LPCAT2: variants seen among roughly 807,000 people sequenced by gnomAD.
LPCAT2 encodes 1-AGP acyltransferase 11.
Under a neutral mutation model 64.7 loss-of-function variants are expected in LPCAT2, and 58 were observed. The observed-to-expected ratio is 0.90, with a 90% CI of 0.73 to 1.12. The LOEUF is 1.12. Ranked by LOEUF, LPCAT2 falls within the 50% of genes most tolerant of loss-of-function variation. The pLI is 0.00. For synonymous variants in LPCAT2, 252 were observed against 245.3 expected (o/e 1.03, Z -0.26); for missense variants, 579 against 669.8 (o/e 0.86, Z 1.50).
Position 55,579,259 on chromosome 16 carries a change from T to A in LPCAT2, c.1450+15T>A, listed in dbSNP as rs1178969183. Reference sequence around the variant, plus strand: ...AATTTCCTATGGTGAGTAGGCAATCTGGCCTCCTGACTTAGTTTACAAGGA... The same window carrying A: ...AATTTCCTATGGTGAGTAGGCAATCAGGCCTCCTGACTTAGTTTACAAGGA... On this transcript the variant is annotated intron_variant, in intron 13 of 13. Coordinates refer to ENST00000262134, the MANE Select transcript of LPCAT2 (RefSeq NM_017839.5). The A allele has an allele frequency of 6.2e-7, 1 of 1,609,846 alleles. No individual in the cohort carries two copies. Among genetic ancestry groups the A allele is most frequent in the Admixed American group, 1.7e-5 (1 of 59,314 alleles).
chr16:55,509,761 C>T (rs1962900751), intron 1 of LPCAT2, among the ~76,000 whole-genome samples: 1 of 151,936 alleles, frequency 6.6e-6, no homozygotes, highest in Admixed American at 6.6e-5. Flanking sequence ...GAATTGAGGA[C>T]ATTTAGAGGA....
At position 55,583,348 on chromosome 16, in the gene LPCAT2, T is replaced by G. The variant is rs1963908929; in HGVS notation, c.*250T>G. The G allele has an allele frequency of 3.0e-6, 1 of 337,292 alleles. No homozygotes were observed. The highest frequency in any genetic ancestry group is 5.5e-6 in the Non-Finnish European group (1 of 183,044). The allele number at this position is 337,292 out of a possible 1,614,324, so 20.9% of individuals were successfully genotyped here. A position where few individuals can be genotyped will look rare whatever the true frequency, so the allele number is the denominator to read the frequency against. On this transcript the variant is annotated 3_prime_UTR_variant, in exon 14 of 14. Transcript: ENST00000262134. ...TCATTTACTGGTGATACATATGTTT[T>G]TATGGATTTTCCAGTTTAATTTGCA...
At chr16:55,550,668 C>T (rs1011448876) in intron 10 of LPCAT2, among the ~76,000 whole-genome samples, 15 of 152,280 alleles carry the variant, frequency 9.9e-5, no homozygotes, top group Admixed American at 2.6e-4. Flanking sequence ...ATAATCCCAA[C>T]ACCTTGGGAG....
intron 11 of LPCAT2, chr16:55,566,918 T>C (rs766985836): frequency 4.3e-6 from 7 of 1,613,588 alleles, no homozygotes; most frequent in Non-Finnish European, 5.9e-6. Flanking sequence ...CTGCAGCAGC[T>C]CAGTATACTC....
intron 11 of LPCAT2, among the ~76,000 whole-genome samples, chr16:55,555,691 T>A (rs1437388028): frequency 6.6e-6 from 1 of 152,248 alleles, no homozygotes; most frequent in Non-Finnish European, 1.5e-5. Flanking sequence ...CCTGGACTTC[T>A]CTTCTGGGCT....
chr16:55,567,310 T>G, intron 11 of LPCAT2: 4 of 1,613,660 alleles, frequency 2.5e-6, no homozygotes, highest in Non-Finnish European at 3.4e-6. Flanking sequence ...GGCTTCCAGC[T>G]AAATGAACAA....
intron 2 of LPCAT2, among the ~76,000 whole-genome samples, chr16:55,526,689 G>T (rs1020920978): frequency 5.9e-5 from 9 of 151,954 alleles, no homozygotes; most frequent in Admixed American, 5.2e-4. Flanking sequence ...TTCAAGGAAC[G>T]TTTTTATGAC....
chr16:55,533,406 G>GTT (rs11335464), intron 6 of LPCAT2, among the ~76,000 whole-genome samples: 351 of 96,364 alleles, frequency 3.6e-3, no homozygotes, highest in African/African-American at 4.5e-3. Flanking sequence ...TGTTTTTCGG[G>GTT]TTTTTTTTTT....
At chr16:55,532,075 AT>A in intron 5 of LPCAT2, 101 bp downstream of exon 5, 2 of 781,708 alleles carry the variant, frequency 2.6e-6, no homozygotes, top group Non-Finnish European at 4.4e-6. Flanking sequence ...TGCTCTGAGC[AT>A]TTTTTTCTTT....
At chr16:55,529,999 T>C (rs1464263022) in intron 4 of LPCAT2, 52 bp downstream of exon 4, 1 of 1,333,414 alleles carries the variant, frequency 7.5e-7, no homozygotes, top group South Asian at 1.3e-5. Flanking sequence ...ATTAATTGTA[T>C]GTATGTAGAC....
intron 11 of LPCAT2, chr16:55,567,037 A>C (rs1213873040): frequency 2.0e-5 from 33 of 1,613,886 alleles, no homozygotes; most frequent in Non-Finnish European, 2.8e-5. Flanking sequence ...CCAGACATGG[A>C]GGTGGGTGCC....
chr16:55,518,587 G>A (rs528592618), intron 1 of LPCAT2, among the ~76,000 whole-genome samples: 1 of 152,272 alleles, frequency 6.6e-6, no homozygotes, highest in South Asian at 2.1e-4. Flanking sequence ...CAGACATATA[G>A]ATCAATGAAA....
At position 55,553,504 on chromosome 16, in the gene LPCAT2, A is replaced by T. The variant is rs137943787; in HGVS notation, c.1215+2402A>T. 8.9e-3 allele frequency among the ~76,000 whole-genome samples: 1,349 copies of T among 152,314 alleles called. 16 individuals carry two copies. Among genetic ancestry groups the T allele is most frequent in the African/African-American group, 0.03 (1,247 of 41,556 alleles). ...TCAAGTTTTATCATGAGATTGCAGCAATTCAGTCACATCTTCAGCCTCCAT... is the reference window on the plus strand; with the variant it reads ...TCAAGTTTTATCATGAGATTGCAGCTATTCAGTCACATCTTCAGCCTCCAT... On this transcript the variant is annotated intron_variant, in intron 11 of 13. Coordinates refer to ENST00000262134, the MANE Select transcript of LPCAT2 (RefSeq NM_017839.5).
chr16:55,533,281 T>C (rs1224197206), intron 6 of LPCAT2, among the ~76,000 whole-genome samples: 2 of 152,060 alleles, frequency 1.3e-5, no homozygotes, highest in Non-Finnish European at 1.5e-5. Flanking sequence ...GCAGGATAAA[T>C]ATTAAAGAGG....
At position 55,509,109 on chromosome 16, in the gene LPCAT2, T is replaced by TA; in HGVS notation, c.-72dup. ...GCGTCGCCCTAGGCTGGGACTCTAG[T>TA]AGGTCTTCGGCTCAGTTTTGGCTGC... is the stretch of plus-strand genomic sequence containing the variant. On this transcript the variant is annotated 5_prime_UTR_variant, in exon 1 of 14. Transcript: ENST00000262134. 8.1e-7 allele frequency: 1 copy of TA among 1,231,204 alleles called. No individual in the cohort carries two copies. The highest frequency in any genetic ancestry group is 1.0e-6 in the Non-Finnish European group (1 of 966,222). The allele number at this position is 1,231,204 out of a possible 1,614,324, so 76.3% of individuals were successfully genotyped here. A position where few individuals can be genotyped will look rare whatever the true frequency, so the allele number is the denominator to read the frequency against.
chr16:55,541,593 C>T (rs139524810), intron 8 of LPCAT2: 47 of 186,156 alleles, frequency 2.5e-4, no homozygotes, highest in African/African-American at 1.1e-3. Flanking sequence ...TGGTAAAATT[C>T]TGGAATTTGT....
At chr16:55,562,234 T>G (rs1314909756) in intron 11 of LPCAT2, among the ~76,000 whole-genome samples, 1 of 151,974 alleles carries the variant, frequency 6.6e-6, no homozygotes, top group African/African-American at 2.4e-5. Context: ...ATACCTCATA[T>G]CCTTTAGCTC....
chr16:55,547,298 A>G (rs1296286548), intron 9 of LPCAT2, among the ~76,000 whole-genome samples: 3 of 152,228 alleles, frequency 2.0e-5, no homozygotes, highest in Non-Finnish European at 4.4e-5. Context: ...AAAAGTAAGA[A>G]AAACCTTGAT....
At chr16:55,555,966 T>A (rs751518431) in intron 11 of LPCAT2, among the ~76,000 whole-genome samples, 3 of 151,932 alleles carry the variant, frequency 2.0e-5, no homozygotes, top group African/African-American at 4.8e-5. Context: ...AGGCATTCGC[T>A]CCTACACCTG....
Sources: allele counts gnomAD v4.1 joint callset (sites outside exome capture counted in the v4.1 genomes callset), GRCh38; gene constraint gnomAD v4.1.1; transcripts MANE v1.5; gene names NCBI Gene and HGNC (gene_info 2026-07-23, HGNC 2026-07-21).